CALCRL: variants seen among roughly 807,000 people sequenced by gnomAD.
CALCRL encodes the protein calcitonin gene-related peptide type 1 receptor.
In CALCRL, 27 loss-of-function variants were observed where a neutral mutation model predicts 60.4. The observed-to-expected ratio is 0.45, with a 90% CI of 0.33 to 0.62. The LOEUF (loss-of-function observed/expected upper bound fraction) is 0.62, where lower values mean the gene tolerates loss of function less well. Among genes scored for constraint, CALCRL ranks in the 20% least tolerant of loss-of-function variants. The probability of loss-of-function intolerance (pLI) is 0.03; values close to 1 mark genes in which losing one functional copy is unlikely to be tolerated. For synonymous variants in CALCRL, 190 were observed against 182.6 expected, an observed-to-expected ratio of 1.04 and a Z score of -0.33; for missense variants, 424 against 540.7, an observed-to-expected ratio of 0.78 and a Z score of 2.14.
intron 1 of CALCRL, among the ~76,000 whole-genome samples, chr2:187,417,625 C>T (rs1343154375): frequency 6.6e-6 from 1 of 151,958 alleles, no homozygotes; most frequent in African/African-American, 2.4e-5. Flanking sequence ...TCAGTAGTAA[C>T]ATAAGTAATA....
At chr2:187,442,073 T>C (rs1690930779) in intron 1 of CALCRL, 1 of 3,988 alleles carries the variant, frequency 2.5e-4, no homozygotes, top group Admixed American at 7.0e-3. Context: ...AAAAACATTA[T>C]ATATATATAT....
chr2:187,390,185 A>G (rs1237327830), intron 1 of CALCRL, among the ~76,000 whole-genome samples: 1 of 152,182 alleles, frequency 6.6e-6, no homozygotes, highest in Non-Finnish European at 1.5e-5. Context: ...GTGATTACTT[A>G]GATGTTAAAT....
intron 1 of CALCRL, among the ~76,000 whole-genome samples, chr2:187,412,457 C>T (rs1251594191): frequency 6.6e-6 from 1 of 152,162 alleles, no homozygotes; most frequent in Non-Finnish European, 1.5e-5. Flanking sequence ...CTCTCTGACT[C>T]TTTTCTTTCC....
In CALCRL at chr2:187,366,963, C is replaced by T. The variant is rs999313049; in HGVS notation, c.501-3461G>A. Among the ~76,000 whole-genome samples, 19 of 148,352 alleles carry T rather than the reference C, an allele frequency of 1.3e-4. 1 individual carries two copies. The highest frequency in any genetic ancestry group is 4.7e-4 in the Admixed American group (7 of 14,848). ...ACACACACACACACACACACACACA[C>T]GACATCTTATTCTCTTATTATGGGA... On this transcript the variant is annotated intron_variant, in intron 8 of 14. Coordinates refer to ENST00000392370, the MANE Select transcript of CALCRL (RefSeq NM_005795.6).
chr2:187,407,417 G>T (rs1689184825), intron 1 of CALCRL, among the ~76,000 whole-genome samples: 1 of 151,020 alleles, frequency 6.6e-6, no homozygotes. Flanking sequence ...ACTACTCAAA[G>T]GAAGTGTTTT....
intron 1 of CALCRL, among the ~76,000 whole-genome samples, chr2:187,423,417 A>G (rs1053221587): frequency 2.0e-5 from 3 of 151,532 alleles, no homozygotes; most frequent in East Asian, 1.9e-4. Context: ...CAAATATGGT[A>G]TCAAATATGT....
At chr2:187,346,618 C>G (rs147063602) in intron 14 of CALCRL, among the ~76,000 whole-genome samples, 132 of 151,850 alleles carry the variant, frequency 8.7e-4, no homozygotes, top group African/African-American at 3.1e-3. Context: ...ACTTTACATT[C>G]CATTAATATT....
intron 1 of CALCRL, among the ~76,000 whole-genome samples, chr2:187,393,679 T>C (rs1277198352): frequency 2.0e-5 from 3 of 152,074 alleles, no homozygotes; most frequent in African/African-American, 7.2e-5. Context: ...GCTTATGAAA[T>C]AAATTTAATC....
chr2:187,365,691 A>C (rs1304424671), intron 8 of CALCRL, among the ~76,000 whole-genome samples: 1 of 152,238 alleles, frequency 6.6e-6, no homozygotes, highest in Non-Finnish European at 1.5e-5. Flanking sequence ...ACATGAAAGA[A>C]GACTTTCAAA....
intron 8 of CALCRL, 144 bp downstream of exon 8, chr2:187,378,796 A>G (rs773360154): frequency 3.5e-5 from 19 of 535,828 alleles, no homozygotes; most frequent in African/African-American, 5.7e-5. Context: ...TTACAAAGCT[A>G]AGATCAACTT....
intron 1 of CALCRL, among the ~76,000 whole-genome samples, chr2:187,437,788 T>C (rs556832948): frequency 7.2e-5 from 11 of 152,226 alleles, no homozygotes; most frequent in South Asian, 6.2e-4. Context: ...AAGAAGCCAT[T>C]TGACAATTTT....
intron 14 of CALCRL, among the ~76,000 whole-genome samples, chr2:187,349,008 A>G (rs958742056): frequency 1.3e-5 from 2 of 151,732 alleles, no homozygotes; most frequent in Admixed American, 6.6e-5. Flanking sequence ...TTAACACCCA[A>G]TAAGGAACTA....
intron 1 of CALCRL, among the ~76,000 whole-genome samples, chr2:187,405,280 T>C (rs561731877): frequency 6.6e-6 from 1 of 152,148 alleles, no homozygotes; most frequent in African/African-American, 2.4e-5. Context: ...CATTTAACAA[T>C]GCCAACTTTC....
Position 187,359,181 on chromosome 2 carries a change from C to T in CALCRL, c.842+31G>A, listed in dbSNP as rs13412597. 4.5e-3 allele frequency: 7,134 copies of T among 1,594,722 alleles called. 265 individuals are homozygous for T. The African/African-American group carries it at 0.082, about 18-fold the overall frequency. ...TGAAAATTTTTATTTTACATTATTC[C>T]AGTAGAAATAATAAAAAGAGATTTT... On this transcript the variant is annotated intron_variant, in intron 11 of 14. Transcript: ENST00000392370.
At chr2:187,423,911 G>A (rs1336196521) in intron 1 of CALCRL, among the ~76,000 whole-genome samples, 1 of 151,956 alleles carries the variant, frequency 6.6e-6, no homozygotes, top group Admixed American at 6.6e-5. Flanking sequence ...TTTCTTTATA[G>A]ATAAGGGGCT....
At chr2:187,347,220 A>G (rs1398037349) in intron 14 of CALCRL, among the ~76,000 whole-genome samples, 1 of 151,820 alleles carries the variant, frequency 6.6e-6, no homozygotes, top group Middle Eastern at 3.2e-3. Context: ...ATGGGCACAA[A>G]TGAGAACATT....
intron 12 of CALCRL, among the ~76,000 whole-genome samples, chr2:187,354,725 C>T (rs1448988850): frequency 6.6e-6 from 1 of 151,986 alleles, no homozygotes; most frequent in Non-Finnish European, 1.5e-5. Flanking sequence ...CGCTTCTTTT[C>T]TTACTGACCA....
intron 3 of CALCRL, 50 bp from the exon 4 acceptor site, chr2:187,385,681 A>ATAT: frequency 1.1e-6 from 1 of 886,524 alleles, no homozygotes; most frequent in South Asian, 1.6e-5. Flanking sequence ...TATGAAATAA[A>ATAT]TGCAGATGAT....
chr2:187,379,341 C>T (rs1432266649), intron 7 of CALCRL, among the ~76,000 whole-genome samples: 2 of 151,930 alleles, frequency 1.3e-5, no homozygotes, highest in Non-Finnish European at 2.9e-5. Flanking sequence ...AGATTATATA[C>T]TATATGAAAC....
Sources: gnomAD v4.1 joint callset for allele counts (sites outside exome capture counted in the v4.1 genomes callset) on GRCh38, gnomAD v4.1.1 for gene constraint, MANE v1.5 for transcripts, NCBI Gene and HGNC (gene_info 2026-07-23, HGNC 2026-07-21) for gene names.